LNP1: variants seen among roughly 807,000 people sequenced by gnomAD.
LNP1 encodes leukemia NUP98 fusion partner 1.
In LNP1, 12 loss-of-function variants were observed where a neutral mutation model predicts 14.5. The ratio of observed to expected loss-of-function variants is 0.83; its 90% CI spans 0.53 to 1.34. The LOEUF (loss-of-function observed/expected upper bound fraction) is 1.34, where lower values mean the gene tolerates loss of function less well. Ranked by LOEUF, LNP1 falls within the 40% of genes most tolerant of loss-of-function variation. The pLI is 0.00. For missense variants in LNP1, 198 were observed against 210.9 expected (o/e 0.94, Z 0.38); for synonymous variants, 75 against 71.4 (o/e 1.05, Z -0.26).
intron 2 of LNP1, among the ~76,000 whole-genome samples, chr3:100,447,828 C>A (rs532943089): frequency 6.6e-6 from 1 of 151,990 alleles, no homozygotes. Context: ...TTTTTTACAT[C>A]GCTCTTGTTT....
chr3:100,435,746 G>A (rs911552628), intron 2 of LNP1, among the ~76,000 whole-genome samples: 11 of 152,118 alleles, frequency 7.2e-5, no homozygotes, highest in Admixed American at 1.3e-4. Flanking sequence ...GTGAATATTC[G>A]TGAAGGTGGT....
rs1183994953 is a variant in LNP1, at chr3:100,455,863, C to G, written c.474C>G (p.Ser158Arg). 2 of 1,613,840 alleles carry G rather than the reference C, an allele frequency of 1.2e-6. No homozygotes were observed. The highest frequency in any genetic ancestry group is 1.7e-6 in the Non-Finnish European group (2 of 1,179,884). The change falls in exon 4 of 4, where the codon AGC (serine) becomes AGG (arginine). Residue 158 changes from serine (S) to arginine (R), a missense_variant. By Grantham distance (110) the Ser-to-Arg change is moderately radical (BLOSUM62 -1). Transcript: ENST00000383693. ...KSRKKVEEERSSRKEEHGEAH... is the reference protein window; with the variant it reads ...KSRKKVEEERRSRKEEHGEAH... ...GAAAGAAAGTAGAGGAAGAAAGGAG[C>G]TCTAGGAAAGAAGAGCATGGAGAAG... is the stretch of plus-strand genomic sequence containing the variant.
chr3:100,455,840 A>G lies in LNP1; in HGVS notation c.451A>G (p.Lys151Glu), dbSNP rs370799302. 3.6e-5 allele frequency: 58 copies of G among 1,614,018 alleles called. No individual in the cohort carries two copies. Among genetic ancestry groups the G allele is most frequent in the Non-Finnish European group, 4.4e-5 (52 of 1,179,972 alleles). The part of the protein sequence containing the change: ...ECLRMEIKSR[K>E]KVEEERSSRK... ...CCTGAGGATGGAGATAAAATCCCGA[A>G]AGAAAGTAGAGGAAGAAAGGAGCTC... Residue 151 changes from lysine to glutamate, a missense_variant, in exon 4 of 4, where the codon AAG (lysine) becomes GAG (glutamate). Lys to Glu is a moderately conservative substitution (Grantham distance 56, BLOSUM62 1). Coordinates refer to ENST00000383693, the MANE Select transcript of LNP1 (RefSeq NM_001085451.2).
At chr3:100,447,762 A>C (rs1283455444) in intron 2 of LNP1, among the ~76,000 whole-genome samples, 1 of 152,074 alleles carries the variant, frequency 6.6e-6, no homozygotes, top group Non-Finnish European at 1.5e-5. Context: ...TCTCCTGTGA[A>C]ATTATTTCTC....
Position 100,451,950 on chromosome 3 carries a change from G to T in LNP1, c.387+1G>T, listed in dbSNP as rs771650776. The T allele has an allele frequency of 6.3e-7, 1 of 1,599,814 alleles. No individual in the cohort carries two copies. Among genetic ancestry groups the T allele is most frequent in the South Asian group, 1.1e-5 (1 of 89,892 alleles). On this transcript the variant is annotated splice_donor_variant, in intron 3 of 3. Transcript: ENST00000383693. LOFTEE classifies it high-confidence loss of function. The stretch of plus-strand genomic sequence containing the variant: ...TAGAACCAAGCGTTCTGCCTCTTTG[G>T]TATGTAACAGAGCTACTGAATATTT...
At chr3:100,420,065 A>G (rs780773751) in intron 1 of LNP1, among the ~76,000 whole-genome samples, 43 of 152,196 alleles carry the variant, frequency 2.8e-4, no homozygotes, top group Non-Finnish European at 4.1e-4. Flanking sequence ...AATTTTACAC[A>G]TTCTGATAGG....
chr3:100,422,182 C>CTTT (rs35862297), intron 1 of LNP1, among the ~76,000 whole-genome samples: 6 of 101,606 alleles, frequency 5.9e-5, no homozygotes, highest in African/African-American at 8.3e-5. Context: ...TTGATAAAGT[C>CTTT]TTTTTTTTTT....
intron 1 of LNP1, among the ~76,000 whole-genome samples, chr3:100,420,606 C>CA (rs1707134851): frequency 1.3e-5 from 2 of 151,824 alleles, no homozygotes; most frequent in African/African-American, 4.8e-5. Flanking sequence ...TGTGAGCCAC[C>CA]ATGCCTGGCC....
chr3:100,453,090 T>A (rs1327949309), intron 3 of LNP1, among the ~76,000 whole-genome samples: 1 of 152,170 alleles, frequency 6.6e-6, no homozygotes, highest in Non-Finnish European at 1.5e-5. Context: ...TGCTTCGTAT[T>A]TCATTGTCCA....
chr3:100,407,907 A>C (rs978232496), intron 1 of LNP1, among the ~76,000 whole-genome samples: 2 of 151,840 alleles, frequency 1.3e-5, no homozygotes, highest in African/African-American at 4.8e-5. Context: ...CATTCATTGT[A>C]TTTTTCAGCT....
intron 1 of LNP1, among the ~76,000 whole-genome samples, chr3:100,427,205 C>T (rs566019274): frequency 6.6e-6 from 1 of 151,870 alleles, no homozygotes; most frequent in South Asian, 2.1e-4. Flanking sequence ...TCTTCCTTCC[C>T]ACTTGGAGGA....
chr3:100,454,385 T>C (rs1356214980), intron 3 of LNP1, among the ~76,000 whole-genome samples: 1 of 151,984 alleles, frequency 6.6e-6, no homozygotes, highest in Non-Finnish European at 1.5e-5. Flanking sequence ...TTTTCCCTAT[T>C]TGATAATCTA....
intron 1 of LNP1, among the ~76,000 whole-genome samples, chr3:100,417,563 G>C (rs1707098235): frequency 6.6e-6 from 1 of 151,314 alleles, no homozygotes; most frequent in East Asian, 1.9e-4. Context: ...ATTTTTAGTA[G>C]AGATGAGGTT....
intron 2 of LNP1, 44 bp downstream of exon 2, chr3:100,429,929 G>T: frequency 6.4e-7 from 1 of 1,574,632 alleles, no homozygotes; most frequent in Non-Finnish European, 8.6e-7. Flanking sequence ...TGGAATAGGG[G>T]AGGGGGTTTC....
chr3:100,414,496 G>A (rs936411920), intron 1 of LNP1, among the ~76,000 whole-genome samples: 2 of 151,658 alleles, frequency 1.3e-5, no homozygotes, highest in Non-Finnish European at 2.9e-5. Flanking sequence ...GCAGTGAGCC[G>A]AGATCGCACC....
chr3:100,403,682 A>G (rs1190625729), intron 1 of LNP1, among the ~76,000 whole-genome samples: 7 of 152,090 alleles, frequency 4.6e-5, no homozygotes, highest in African/African-American at 1.7e-4. Context: ...CAGGTGATCT[A>G]CCTGCCTCGG....
At chr3:100,426,493 C>A (rs549608137) in intron 1 of LNP1, among the ~76,000 whole-genome samples, 1 of 152,306 alleles carries the variant, frequency 6.6e-6, no homozygotes, top group South Asian at 2.1e-4. Flanking sequence ...GTTTTCTAAG[C>A]CCTGTTTACA....
chr3:100,414,787 T>G (rs763344996), intron 1 of LNP1, among the ~76,000 whole-genome samples: 6 of 152,128 alleles, frequency 3.9e-5, no homozygotes, highest in Admixed American at 2.0e-4. Flanking sequence ...ATTCTTCCAA[T>G]GATGGGTGGA....
intron 1 of LNP1, among the ~76,000 whole-genome samples, chr3:100,404,913 C>G (rs1440198163): frequency 1.3e-5 from 2 of 151,774 alleles, no homozygotes; most frequent in Non-Finnish European, 2.9e-5. Flanking sequence ...TTGTCTCAGC[C>G]TCCCGAGTAG....
Sources: gnomAD v4.1 joint callset for allele counts (sites outside exome capture counted in the v4.1 genomes callset) on GRCh38, gnomAD v4.1.1 for gene constraint, MANE v1.5 for transcripts, NCBI Gene and HGNC (gene_info 2026-07-23, HGNC 2026-07-21) for gene names.